The following PARD3B variants were observed in gnomAD, a reference collection of about 807,000 sequenced individuals.
The protein encoded by PARD3B is par-3 family cell polarity regulator beta.
Under a neutral mutation model 130.2 loss-of-function variants are expected in PARD3B, and 103 were observed. The ratio of observed to expected loss-of-function variants is 0.79; its 90% CI spans 0.67 to 0.93. The LOEUF is 0.93. PARD3B is among the 40% of genes least tolerant of loss of function. The probability of loss-of-function intolerance (pLI) is 0.00; values close to 1 mark genes in which losing one functional copy is unlikely to be tolerated. For synonymous variants in PARD3B, 583 were observed against 553.2 expected, an observed-to-expected ratio of 1.05 and a Z score of -0.76; for missense variants, 1,609 against 1,499.2, an observed-to-expected ratio of 1.07 and a Z score of -1.21.
intron 2 of PARD3B, among the ~76,000 whole-genome samples, chr2:204,852,613 C>T (rs977558897): frequency 6.0e-5 from 9 of 150,436 alleles, no homozygotes; most frequent in African/African-American, 2.3e-4. Context: ...TAGTATATTT[C>T]TCAAGAGGCT....
At position 204,545,569 on chromosome 2, in the gene PARD3B, C is replaced by T. The variant is rs1436384841; in HGVS notation, c.-431C>T. Among the ~76,000 whole-genome samples, 1 of 152,066 alleles carries T rather than the reference C, an allele frequency of 6.6e-6. No individual in the cohort carries two copies. The highest frequency in any genetic ancestry group is 1.9e-4 in the East Asian group (1 of 5,162). On this transcript the variant is annotated 5_prime_UTR_variant, in exon 1 of 23. Transcript: ENST00000406610. The stretch of plus-strand genomic sequence containing the variant: ...TGGCCCCGTGCGCCGCCGCCGCCGC[C>T]GCCCACTCCAGCCCCCGGCTTGGGG...
At chr2:204,642,290 G>A (rs1370442045) in intron 1 of PARD3B, among the ~76,000 whole-genome samples, 3 of 152,180 alleles carry the variant, frequency 2.0e-5, no homozygotes, top group African/African-American at 2.4e-5. Context: ...GAGAGAAGCT[G>A]TGTCACTAGA....
chr2:205,452,783 TCTC>T (rs2106200501), intron 20 of PARD3B, among the ~76,000 whole-genome samples: 1 of 152,240 alleles, frequency 6.6e-6, no homozygotes, highest in Non-Finnish European at 1.5e-5. Context: ...ATGTAGACAA[TCTC>T]CTCCTTTATT....
At chr2:205,411,826 AG>A (rs1041694713) in intron 19 of PARD3B, among the ~76,000 whole-genome samples, 1 of 152,120 alleles carries the variant, frequency 6.6e-6, no homozygotes, top group African/African-American at 2.4e-5. Context: ...ATGAGATGGC[AG>A]CACAGTAGTG....
chr2:205,426,336 T>C (rs1046099862), intron 19 of PARD3B, among the ~76,000 whole-genome samples: 2 of 152,086 alleles, frequency 1.3e-5, no homozygotes, highest in African/African-American at 4.8e-5. Flanking sequence ...TAAAACTGCA[T>C]TGATAGGGAA....
chr2:204,665,321 TC>T (rs1242657914), intron 1 of PARD3B, among the ~76,000 whole-genome samples: 2 of 152,166 alleles, frequency 1.3e-5, no homozygotes, highest in African/African-American at 2.4e-5. Flanking sequence ...GCTGTTTGGC[TC>T]CTGTTAAAAG....
chr2:205,037,517 T>A (rs1351086941), intron 3 of PARD3B, among the ~76,000 whole-genome samples: 1 of 147,956 alleles, frequency 6.8e-6, no homozygotes, highest in East Asian at 2.0e-4. Context: ...ACTATATATA[T>A]AAAATATGTA....
At chr2:205,156,907 T>A (rs1189216715) in intron 10 of PARD3B, among the ~76,000 whole-genome samples, 1 of 152,192 alleles carries the variant, frequency 6.6e-6, no homozygotes, top group African/African-American at 2.4e-5. Context: ...TGATAAGTGT[T>A]AGTGCAAAGA....
chr2:204,904,318 C>G (rs905691508), intron 2 of PARD3B, among the ~76,000 whole-genome samples: 2 of 151,246 alleles, frequency 1.3e-5, no homozygotes, highest in Non-Finnish European at 2.9e-5. Context: ...ACATTTTTGA[C>G]TGTTATGATG....
intron 22 of PARD3B, among the ~76,000 whole-genome samples, chr2:205,608,236 C>T (rs1295438991): frequency 6.6e-6 from 1 of 152,096 alleles, no homozygotes; most frequent in East Asian, 1.9e-4. Context: ...GAAATCAGGA[C>T]CTTACACTGT....
Position 205,287,308 on chromosome 2 carries a change from C to T in PARD3B, c.2186-13222C>T, listed in dbSNP as rs1385698528. Among the ~76,000 whole-genome samples the T allele has an allele frequency of 6.6e-6, 1 of 152,208 alleles. No individual in the cohort carries two copies. The highest frequency in any genetic ancestry group is 1.5e-5 in the Non-Finnish European group (1 of 68,038). ...TAGTTTTGCAAAGATAATTTCTTGACTCCTGGCAACTAAAATGTTCAGAGG... is the reference window on the plus strand; with the variant it reads ...TAGTTTTGCAAAGATAATTTCTTGATTCCTGGCAACTAAAATGTTCAGAGG... On this transcript the variant is annotated intron_variant, in intron 16 of 22. Transcript: ENST00000406610. The surrounding 1 kb of genome is among the most constrained non-coding windows in gnomAD (Gnocchi z 4.8).
intron 3 of PARD3B, among the ~76,000 whole-genome samples, chr2:205,010,365 T>C (rs890732333): frequency 2.6e-5 from 4 of 152,218 alleles, no homozygotes; most frequent in African/African-American, 9.7e-5. Flanking sequence ...ATCTGTGTTA[T>C]TTGCCCTCAA....
At chr2:205,595,648 C>T (rs545661547) in intron 22 of PARD3B, among the ~76,000 whole-genome samples, 9 of 152,162 alleles carry the variant, frequency 5.9e-5, no homozygotes, top group African/African-American at 2.2e-4. Flanking sequence ...AGCAAAGCAG[C>T]ACTCAAACAA....
intron 4 of PARD3B, among the ~76,000 whole-genome samples, chr2:205,072,677 T>C (rs1364648930): frequency 6.6e-6 from 1 of 152,202 alleles, no homozygotes; most frequent in Admixed American, 6.5e-5. Context: ...TTATTTTAAA[T>C]AGAAAAATTG....
intron 1 of PARD3B, among the ~76,000 whole-genome samples, chr2:204,611,202 C>T (rs1347773478): frequency 6.6e-6 from 1 of 152,190 alleles, no homozygotes; most frequent in African/African-American, 2.4e-5. Context: ...GGTTGGGAGA[C>T]TACTCCTGGG....
intron 2 of PARD3B, among the ~76,000 whole-genome samples, chr2:204,964,578 AG>A (rs1211102402): frequency 7.9e-5 from 12 of 152,226 alleles, no homozygotes; most frequent in Non-Finnish European, 1.5e-5. Context: ...ACAAAATTAA[AG>A]GCATGTACAA....
Position 205,280,172 on chromosome 2 carries a change from T to A in PARD3B, c.2186-20358T>A, listed in dbSNP as rs764275361. On this transcript the variant is annotated intron_variant, in intron 16 of 22. Coordinates refer to ENST00000406610, the MANE Select transcript of PARD3B (RefSeq NM_001302769.2). The surrounding 1 kb of genome is among the most constrained non-coding windows in gnomAD (Gnocchi z 4.7). ...ATATAATACCTTTCAGGGAAAAAAA[T>A]TGCTTTAGGACAAAATAACAGTCAC... is the stretch of plus-strand genomic sequence containing the variant. Among the ~76,000 whole-genome samples, 53 of 152,136 alleles carry A rather than the reference T, an allele frequency of 3.5e-4. No homozygotes were observed. The highest frequency in any genetic ancestry group is 5.7e-4 in the Non-Finnish European group (39 of 68,010).
At chr2:204,787,572 T>G (rs1268022929) in intron 2 of PARD3B, among the ~76,000 whole-genome samples, 1 of 152,122 alleles carries the variant, frequency 6.6e-6, no homozygotes, top group Non-Finnish European at 1.5e-5. Flanking sequence ...CTAGCAAAGG[T>G]AGGCCTTGTT....
chr2:204,990,260 AT>A (rs564501086), intron 3 of PARD3B, among the ~76,000 whole-genome samples: 3,702 of 143,324 alleles, frequency 0.026, 57 homozygotes, highest in Non-Finnish European at 0.029. Flanking sequence ...CTTTAAAAAC[AT>A]TTTTTTTTTT....
Sources: allele counts gnomAD v4.1 joint callset (sites outside exome capture counted in the v4.1 genomes callset), GRCh38; gene constraint gnomAD v4.1.1; non-coding constraint Gnocchi (gnomAD v3.1); transcripts MANE v1.5; gene names NCBI Gene and HGNC (gene_info 2026-07-23, HGNC 2026-07-21).